Variants in NMNAT3 observed in about 807,000 individuals in gnomAD.
The protein encoded by NMNAT3 is nicotinamide nucleotide adenylyltransferase 3.
NMNAT3 carries 21 observed loss-of-function variants against 24.8 expected under a neutral mutation model. The observed-to-expected ratio is 0.85, with a 90% CI of 0.60 to 1.22. The LOEUF (loss-of-function observed/expected upper bound fraction) is 1.22, where lower values mean the gene tolerates loss of function less well. NMNAT3 is among the 50% of genes most tolerant of loss of function. The probability of loss-of-function intolerance (pLI) is 0.00; values close to 1 mark genes in which losing one functional copy is unlikely to be tolerated. For synonymous variants in NMNAT3, 136 were observed against 155.2 expected (o/e 0.88, Z 0.92); for missense variants, 387 against 436.6 (o/e 0.89, Z 1.01).
intron 2 of NMNAT3, chr3:139,637,575 C>G (rs145987073): frequency 1.1e-4 from 16 of 152,350 alleles, no homozygotes; most frequent in African/African-American, 3.8e-4. Context: ...TTTGGCCTCA[C>G]TCTACCTCTC....
At chr3:139,655,080 G>A (rs1351340047) in intron 1 of NMNAT3, among the ~76,000 whole-genome samples, 1 of 152,334 alleles carries the variant, frequency 6.6e-6, no homozygotes, top group Non-Finnish European at 1.5e-5. Context: ...GGATGACTAC[G>A]AGTTAGGCAG....
chr3:139,651,262 T>G (rs72975813), intron 1 of NMNAT3, among the ~76,000 whole-genome samples: 1,978 of 152,262 alleles, frequency 0.013, 46 homozygotes, highest in African/African-American at 0.045. Flanking sequence ...GATTAGAGAC[T>G]AAATAATGGC....
Position 139,578,959 on chromosome 3 carries a change from C to A in NMNAT3, c.488G>T (p.Arg163Leu), listed in dbSNP as rs889792534. ...CCAGTCGGATGTCTGCAGGGCCAGC[C>A]GGGCCATGGCCACTCGGTGATGAGA... Residue 163 changes from arginine (R) to leucine (L), a missense_variant, in exon 5 of 7, where the codon CGG (arginine) becomes CTG (leucine). Transcript: ENST00000643695. 1 of 1,614,206 alleles carries A rather than the reference C, an allele frequency of 6.2e-7. No individual in the cohort carries two copies. Among genetic ancestry groups the A allele is most frequent in the Non-Finnish European group, 8.5e-7 (1 of 1,180,034 alleles).
chr3:139,583,870 C>T (rs1226419497), intron 3 of NMNAT3, among the ~76,000 whole-genome samples: 2 of 152,266 alleles, frequency 1.3e-5, no homozygotes, highest in Non-Finnish European at 2.9e-5. Flanking sequence ...TGATCGCGCA[C>T]GGACCAGACG....
intron 3 of NMNAT3, among the ~76,000 whole-genome samples, chr3:139,623,644 C>T (rs959226849): frequency 6.6e-6 from 1 of 152,108 alleles, no homozygotes; most frequent in Non-Finnish European, 1.5e-5. Flanking sequence ...AGTGCAGTAG[C>T]TCAATCTCAG....
intron 1 of NMNAT3, among the ~76,000 whole-genome samples, chr3:139,657,380 C>A (rs1239880008): frequency 6.6e-6 from 1 of 152,256 alleles, no homozygotes; most frequent in Non-Finnish European, 1.5e-5. Context: ...ATCTCAAGAT[C>A]TTTGCCCAAG....
intron 1 of NMNAT3, among the ~76,000 whole-genome samples, chr3:139,651,485 T>G (rs2057054170): frequency 6.6e-6 from 1 of 152,176 alleles, no homozygotes; most frequent in African/African-American, 2.4e-5. Context: ...CTGCCTAACA[T>G]CTGTGATACT....
chr3:139,665,094 G>T (rs2057534038), intron 1 of NMNAT3, among the ~76,000 whole-genome samples: 1 of 152,132 alleles, frequency 6.6e-6, no homozygotes, highest in Admixed American at 6.6e-5. Flanking sequence ...TTTTGAACAG[G>T]ACAAGCTGTC....
intron 3 of NMNAT3, among the ~76,000 whole-genome samples, chr3:139,588,867 T>C (rs1315786011): frequency 6.6e-6 from 1 of 152,138 alleles, no homozygotes; most frequent in African/African-American, 2.4e-5. Context: ...CCAGAATGTC[T>C]CTCTGGGGAA....
rs971326517 is a variant in NMNAT3, at chr3:139,560,689, G to A, written c.*321C>T. On this transcript the variant is annotated 3_prime_UTR_variant, in exon 7 of 7. Transcript: ENST00000643695. ...GCTGCCATGCTCAGAACTGCATTCAGCGTGCATGCCATAATTACCATCCAC... is the reference window on the plus strand; with the variant it reads ...GCTGCCATGCTCAGAACTGCATTCAACGTGCATGCCATAATTACCATCCAC... The A allele has an allele frequency of 3.4e-6, 1 of 291,902 alleles. No homozygotes were observed. Among genetic ancestry groups the A allele is most frequent in the Non-Finnish European group, 6.5e-6 (1 of 154,998 alleles). The allele number at this position is 291,902 out of a possible 1,614,324, so 18.1% of individuals were successfully genotyped here. A position where few individuals can be genotyped will look rare whatever the true frequency, so the allele number is the denominator to read the frequency against.
chr3:139,673,058 C>T (rs541425721), intron 1 of NMNAT3, among the ~76,000 whole-genome samples: 2 of 152,222 alleles, frequency 1.3e-5, no homozygotes, highest in Admixed American at 6.5e-5. Flanking sequence ...TCTTTCCTCT[C>T]AGACAGCAGA....
intron 3 of NMNAT3, among the ~76,000 whole-genome samples, chr3:139,592,628 A>T (rs1461181318): frequency 6.6e-6 from 1 of 152,224 alleles, no homozygotes; most frequent in Admixed American, 6.5e-5. Flanking sequence ...CTCTCAGCAG[A>T]AACTCTACAA....
At chr3:139,629,554 G>A (rs900980549) in intron 2 of NMNAT3, among the ~76,000 whole-genome samples, 1 of 152,162 alleles carries the variant, frequency 6.6e-6, no homozygotes, top group Non-Finnish European at 1.5e-5. Context: ...TGCATTTATT[G>A]CCTTTATTAT....
At chr3:139,589,362 G>A (rs1391170513) in intron 3 of NMNAT3, among the ~76,000 whole-genome samples, 3 of 152,148 alleles carry the variant, frequency 2.0e-5, no homozygotes, top group Non-Finnish European at 4.4e-5. Context: ...CATAAAAGAA[G>A]ATTCACACAA....
At chr3:139,628,486 A>G (rs2056152759) in intron 2 of NMNAT3, among the ~76,000 whole-genome samples, 1 of 152,220 alleles carries the variant, frequency 6.6e-6, no homozygotes, top group Admixed American at 6.5e-5. Context: ...ACAATGATTA[A>G]AATCAGGAAA....
chr3:139,611,820 A>G (rs1310960026), intron 3 of NMNAT3, among the ~76,000 whole-genome samples: 2 of 152,182 alleles, frequency 1.3e-5, no homozygotes, highest in Non-Finnish European at 2.9e-5. Flanking sequence ...TCCACAAATC[A>G]AGAGAACTAG....
chr3:139,617,968 G>A (rs982718767), intron 3 of NMNAT3, among the ~76,000 whole-genome samples: 1 of 152,136 alleles, frequency 6.6e-6, no homozygotes, highest in African/African-American at 2.4e-5. Context: ...AGCAAAATAG[G>A]AATAAAAATT....
intron 3 of NMNAT3, among the ~76,000 whole-genome samples, chr3:139,605,099 G>A (rs928926533): frequency 7.2e-5 from 11 of 152,108 alleles, no homozygotes; most frequent in African/African-American, 1.9e-4. Context: ...TCTCAGGTTC[G>A]AATTGCTGCA....
At chr3:139,677,545 C>G (rs534485695) in intron 1 of NMNAT3, among the ~76,000 whole-genome samples, 160 bp downstream of exon 1, 3 of 152,326 alleles carry the variant, frequency 2.0e-5, no homozygotes, top group East Asian at 3.9e-4. Flanking sequence ...GAGCTGTCCC[C>G]CCGGTTCGCG....
Sources: allele counts gnomAD v4.1 joint callset (sites outside exome capture counted in the v4.1 genomes callset), GRCh38; gene constraint gnomAD v4.1.1; transcripts MANE v1.5; gene names NCBI Gene and HGNC (gene_info 2026-07-23, HGNC 2026-07-21).